NBAS: variants seen among roughly 807,000 people sequenced by gnomAD.
The protein encoded by NBAS is NBAS subunit of NRZ tethering complex, also known as NAG/BC035112 fusion.
NBAS carries 219 observed loss-of-function variants against 302.5 expected under a neutral mutation model. The ratio of observed to expected loss-of-function variants is 0.72; its 90% confidence interval spans 0.65 to 0.81. The LOEUF is 0.81. Among genes scored for constraint, NBAS ranks in the 30% least tolerant of loss-of-function variants. The pLI is 0.00. For missense variants in NBAS, 2,932 were observed against 2,841.6 expected (o/e 1.03, Z -0.72); for synonymous variants, 1,118 against 1,021.6 (o/e 1.09, Z -1.80).
At chr2:14,781,466 A>T in the NBAS span, among the ~76,000 whole-genome samples, 1 of 152,116 alleles carries the variant, frequency 6.6e-6, no homozygotes, top group Non-Finnish European at 1.5e-5. Context: ...TTAAAAAAAA[A>T]ATCTACAGGA....
At chr2:15,296,424 C>T (rs932868696) in intron 40 of NBAS, among the ~76,000 whole-genome samples, 3 of 152,004 alleles carry the variant, frequency 2.0e-5, no homozygotes, top group African/African-American at 7.2e-5. Context: ...CACCTGTAGT[C>T]CCAGCGTAGG....
At chr2:15,310,118 C>G (rs1434179298) in intron 38 of NBAS, among the ~76,000 whole-genome samples, 1 of 152,146 alleles carries the variant, frequency 6.6e-6, no homozygotes, top group Non-Finnish European at 1.5e-5. Flanking sequence ...ATTTACCCTC[C>G]CAATTATGTC....
At chr2:14,796,053 G>C in the NBAS span, among the ~76,000 whole-genome samples, 1 of 152,170 alleles carries the variant, frequency 6.6e-6, no homozygotes, top group Non-Finnish European at 1.5e-5. Context: ...TAAAGTTTGT[G>C]TTTTTTGCAC....
intron 32 of NBAS, among the ~76,000 whole-genome samples, chr2:15,360,357 CAG>C (rs1673847223): frequency 7.4e-6 from 1 of 134,924 alleles, no homozygotes. Flanking sequence ...CAAAACAAAA[CAG>C]AATCTCACTG....
the NBAS span, among the ~76,000 whole-genome samples, chr2:15,008,958 CTG>C: frequency 4.6e-5 from 7 of 152,012 alleles, no homozygotes; most frequent in Non-Finnish European, 1.0e-4. Context: ...AGTGAAAAAA[CTG>C]AGGATTAGCA....
intron 47 of NBAS, among the ~76,000 whole-genome samples, chr2:15,220,200 C>T (rs1269720243): frequency 4.2e-5 from 6 of 143,964 alleles, no homozygotes; most frequent in Admixed American, 6.9e-5. Context: ...ACCTCCCTCC[C>T]GGACGGGGCG....
the NBAS span, among the ~76,000 whole-genome samples, chr2:15,127,861 G>A: frequency 7.4e-6 from 1 of 134,428 alleles, no homozygotes; most frequent in Non-Finnish European, 1.7e-5. Flanking sequence ...GGGCACCTGA[G>A]CCCCTGACCC....
the NBAS span, among the ~76,000 whole-genome samples, chr2:15,098,610 ATAATG>A: frequency 3.7e-5 from 4 of 108,962 alleles, no homozygotes; most frequent in Admixed American, 2.0e-4. Flanking sequence ...TATATTGTAT[ATAATG>A]TATTATATAT....
At chr2:14,968,098 CA>C in the NBAS span, among the ~76,000 whole-genome samples, 1 of 152,182 alleles carries the variant, frequency 6.6e-6, no homozygotes, top group South Asian at 2.1e-4. Flanking sequence ...CTGCTCTCTG[CA>C]AAAAGCCTGA....
At chr2:15,224,668 G>C (rs941580277) in intron 47 of NBAS, among the ~76,000 whole-genome samples, 1 of 152,178 alleles carries the variant, frequency 6.6e-6, no homozygotes, top group Non-Finnish European at 1.5e-5. Context: ...AAGGCAGCAG[G>C]GGCCTCCTTT....
At chr2:14,926,311 G>C in the NBAS span, among the ~76,000 whole-genome samples, 1 of 152,026 alleles carries the variant, frequency 6.6e-6, no homozygotes, top group African/African-American at 2.4e-5. Flanking sequence ...CTCTCCTCTA[G>C]GCTTCCCTAG....
At chr2:15,451,547 T>A (rs970155674) in intron 21 of NBAS, among the ~76,000 whole-genome samples, 1 of 152,186 alleles carries the variant, frequency 6.6e-6, no homozygotes, top group African/African-American at 2.4e-5. Flanking sequence ...TATCCTCTGA[T>A]CTTTTTAAAG....
intron 44 of NBAS, among the ~76,000 whole-genome samples, chr2:15,245,551 A>G (rs1321912123): frequency 6.6e-6 from 1 of 152,034 alleles, no homozygotes; most frequent in Admixed American, 6.6e-5. Context: ...TCACTGCTAC[A>G]TTCCCAAAGC....
At chr2:15,485,882 A>G (rs1680605683) in intron 12 of NBAS, among the ~76,000 whole-genome samples, 1 of 152,098 alleles carries the variant, frequency 6.6e-6, no homozygotes, top group Admixed American at 6.5e-5. Flanking sequence ...AGGAGTTTTC[A>G]TTTTCACCAC....
intron 31 of NBAS, among the ~76,000 whole-genome samples, chr2:15,372,968 GCA>G (rs141915482): frequency 6.6e-6 from 1 of 151,760 alleles, no homozygotes; most frequent in Non-Finnish European, 1.5e-5. Context: ...AGACACACAG[GCA>G]CACACACACA....
At chr2:15,246,727 A>G (rs1668109876) in intron 44 of NBAS, among the ~76,000 whole-genome samples, 1 of 152,244 alleles carries the variant, frequency 6.6e-6, no homozygotes, top group African/African-American at 2.4e-5. Context: ...AAGGGGCACA[A>G]CGGCATCAAG....
At chr2:15,270,313 C>T (rs896962150) in intron 44 of NBAS, among the ~76,000 whole-genome samples, 19 of 151,952 alleles carry the variant, frequency 1.3e-4, no homozygotes, top group East Asian at 7.7e-4. Flanking sequence ...TACAGGCATG[C>T]GCCATCATGC....
intron 48 of NBAS, among the ~76,000 whole-genome samples, chr2:15,200,804 C>T (rs1213160626): frequency 6.6e-6 from 1 of 152,152 alleles, no homozygotes; most frequent in African/African-American, 2.4e-5. Flanking sequence ...AACTAAGTCA[C>T]CTATTATCAG....
At chr2:15,029,810 T>A in the NBAS span, among the ~76,000 whole-genome samples, 2 of 152,306 alleles carry the variant, frequency 1.3e-5, no homozygotes, top group South Asian at 4.1e-4. Context: ...ACTGACTGCC[T>A]GGGAGGCATT....
Sources: allele counts gnomAD v4.1 joint callset (sites outside exome capture counted in the v4.1 genomes callset), GRCh38; gene constraint gnomAD v4.1.1; transcripts MANE v1.5; gene names NCBI Gene and HGNC (gene_info 2026-07-23, HGNC 2026-07-21).